Variants in LRBA observed in about 807,000 individuals in gnomAD.
LRBA encodes lipopolysaccharide-responsive and beige-like anchor protein.
In LRBA, 176 loss-of-function variants were observed where a neutral mutation model predicts 330.0. The ratio of observed to expected loss-of-function variants is 0.53; its 90% CI spans 0.47 to 0.60. The LOEUF (loss-of-function observed/expected upper bound fraction) is 0.60. Among genes scored for constraint, LRBA ranks in the 20% least tolerant of loss-of-function variants. LRBA has a pLI of 0.00. For synonymous variants in LRBA, 1,230 were observed against 1,193.0 expected (o/e 1.03, Z -0.64); for missense variants, 3,259 against 3,444.8 (o/e 0.95, Z 1.35).
chr4:150,946,768 G>C (rs1291467299), intron 2 of LRBA, among the ~76,000 whole-genome samples: 1 of 151,984 alleles, frequency 6.6e-6, no homozygotes, highest in Non-Finnish European at 1.5e-5. Flanking sequence ...GAAGTAGAAA[G>C]TAGGAAAACA....
At chr4:150,761,914 A>G (rs1735145865) in intron 34 of LRBA, 67 bp from the exon 35 acceptor site, 4 of 792,060 alleles carry the variant, frequency 5.1e-6, no homozygotes, top group Non-Finnish European at 8.3e-6. Flanking sequence ...TTAAAACAAT[A>G]ATAATGAAAA....
chr4:150,582,903 G>GA (rs1285983998), intron 40 of LRBA: 1 of 1,171,606 alleles, frequency 8.5e-7, no homozygotes, highest in Non-Finnish European at 1.2e-6. Flanking sequence ...AAACGAGAGT[G>GA]AAAGTAGGGC....
At chr4:150,470,059 T>C (rs943077309) in intron 43 of LRBA, among the ~76,000 whole-genome samples, 2 of 152,076 alleles carry the variant, frequency 1.3e-5, no homozygotes, top group Admixed American at 6.5e-5. Context: ...GGCAGGAGCC[T>C]AAAATCCCAG....
intron 40 of LRBA, among the ~76,000 whole-genome samples, chr4:150,503,111 G>A (rs1015325460): frequency 6.6e-6 from 1 of 152,228 alleles, no homozygotes; most frequent in Non-Finnish European, 1.5e-5. Context: ...GCCTCTGGAG[G>A]CTCCACCTCT....
chr4:150,590,507 AG>A (rs1772679294), intron 39 of LRBA, among the ~76,000 whole-genome samples: 1 of 152,206 alleles, frequency 6.6e-6, no homozygotes, highest in African/African-American at 2.4e-5. Context: ...TATTCACAAA[AG>A]AAAAAAATGA....
chr4:151,000,801 T>C (rs1174557153), intron 2 of LRBA, among the ~76,000 whole-genome samples: 2 of 152,162 alleles, frequency 1.3e-5, no homozygotes, highest in South Asian at 2.1e-4. Context: ...CTTGAATAGA[T>C]AATCCAAGAA....
Position 150,848,825 on chromosome 4 carries a change from G to C in LRBA, c.4332C>G (p.Leu1444=), listed in dbSNP as rs1750219197. ...MSSGGILRQC[L]RLVCAVAVRN... ...CGGTTTTTAGCAGCTCACCTAGTCGGAGACACTGCCGCAAAATTCCTCCAG... is the reference window on the plus strand; with the variant it reads ...CGGTTTTTAGCAGCTCACCTAGTCGCAGACACTGCCGCAAAATTCCTCCAG... The change falls in exon 26 of 57, where the codon CTC becomes CTG. Residue 1444 remains leucine, a synonymous_variant. Coordinates refer to ENST00000651943, the MANE Select transcript of LRBA (RefSeq NM_001364905.1). 6.2e-7 allele frequency: 1 copy of C among 1,602,294 alleles called. No individual in the cohort carries two copies. Among genetic ancestry groups the C allele is most frequent in the Non-Finnish European group, 8.5e-7 (1 of 1,175,300 alleles).
At position 150,265,598 on chromosome 4, in the gene LRBA, T is replaced by TAAC; in HGVS notation, c.*121_*123dup. ...AGACTACAAAAATAGCAATTATTAA[T>TAAC]AACTTTAAAAAATATTTTGCTTCTT... On this transcript the variant is annotated 3_prime_UTR_variant, in exon 57 of 57. Coordinates refer to ENST00000651943, the MANE Select transcript of LRBA (RefSeq NM_001364905.1). 1 of 651,470 alleles carries TAAC rather than the reference T, an allele frequency of 1.5e-6. No homozygotes were observed. 40.4% of individuals were successfully genotyped at this position (651,470 alleles called of 1,614,324 possible). A position where few individuals can be genotyped will look rare whatever the true frequency, so the allele number is the denominator to read the frequency against.
intron 2 of LRBA, among the ~76,000 whole-genome samples, chr4:150,934,446 C>A (rs575007082): frequency 3.5e-4 from 53 of 152,306 alleles, no homozygotes; most frequent in African/African-American, 1.2e-3. Flanking sequence ...ATTCAACACA[C>A]TTTTACTGAA....
intron 2 of LRBA, among the ~76,000 whole-genome samples, chr4:151,008,388 AG>A (rs1744373623): frequency 1.3e-5 from 2 of 152,060 alleles, no homozygotes; most frequent in Non-Finnish European, 2.9e-5. Flanking sequence ...GCCTAAAATT[AG>A]TGGTTTTTAT....
At chr4:150,799,276 A>C (rs1741241472) in intron 33 of LRBA, among the ~76,000 whole-genome samples, 2 of 152,240 alleles carry the variant, frequency 1.3e-5, no homozygotes, top group African/African-American at 2.4e-5. Context: ...AATTAGCTAT[A>C]GAATGTCTCT....
At chr4:150,606,160 G>T (rs952496492) in intron 37 of LRBA, among the ~76,000 whole-genome samples, 2 of 152,060 alleles carry the variant, frequency 1.3e-5, no homozygotes, top group African/African-American at 4.8e-5. Flanking sequence ...TTCAAGAAAT[G>T]ATCCCAAGCT....
intron 44 of LRBA, among the ~76,000 whole-genome samples, chr4:150,446,104 T>TA (rs941520363): frequency 2.3e-4 from 34 of 146,930 alleles, no homozygotes; most frequent in East Asian, 3.9e-4. Flanking sequence ...ATTTTGGAGC[T>TA]AAAAAAAAAA....
intron 34 of LRBA, among the ~76,000 whole-genome samples, chr4:150,768,636 C>T (rs1578720564): frequency 6.6e-6 from 1 of 152,200 alleles, no homozygotes; most frequent in East Asian, 1.9e-4. Context: ...ACAAAGGGAA[C>T]TCATGCATCA....
chr4:150,692,305 A>G (rs1343289286), intron 36 of LRBA, among the ~76,000 whole-genome samples: 2 of 151,986 alleles, frequency 1.3e-5, no homozygotes, highest in Non-Finnish European at 2.9e-5. Context: ...TGAAACCTCA[A>G]TCTCTTGGGC....
intron 50 of LRBA, among the ~76,000 whole-genome samples, chr4:150,318,171 A>G (rs1375366807): frequency 2.0e-5 from 3 of 152,154 alleles, no homozygotes; most frequent in Non-Finnish European, 4.4e-5. Context: ...TAGAGCAGGA[A>G]AGTTGGGACC....
At position 150,597,065 on chromosome 4, in the gene LRBA, A is replaced by G. The variant is rs375137422; in HGVS notation, c.6046+1942T>C. On this transcript the variant is annotated intron_variant, in intron 38 of 56. Coordinates refer to ENST00000651943, the MANE Select transcript of LRBA (RefSeq NM_001364905.1). ...ACAATAATCATAAAATTACTATAAAATATTACTCAATGCTTACCTTTGCTG... is the reference window on the plus strand; with the variant it reads ...ACAATAATCATAAAATTACTATAAAGTATTACTCAATGCTTACCTTTGCTG... 1 of 1,273,610 alleles carries G rather than the reference A, an allele frequency of 7.9e-7. No homozygotes were observed. Among genetic ancestry groups the G allele is most frequent in the South Asian group, 1.4e-5 (1 of 72,640 alleles). The allele number at this position is 1,273,610 out of a possible 1,614,324, so 78.9% of individuals were successfully genotyped here.
intron 46 of LRBA, among the ~76,000 whole-genome samples, chr4:150,423,952 G>GACCCCA (rs1196084047): frequency 1.3e-5 from 2 of 152,308 alleles, no homozygotes; most frequent in South Asian, 2.1e-4. Flanking sequence ...AGAAAATTAT[G>GACCCCA]ACTAAAAGTT....
Position 150,419,099 on chromosome 4 carries a change from T to C in LRBA, c.7042-3509A>G, listed in dbSNP as rs946735860. 6.6e-5 allele frequency among the ~76,000 whole-genome samples: 10 copies of C among 152,262 alleles called. No homozygotes were observed. In the Middle Eastern group the frequency reaches 0.014, roughly 207 times the overall value. On this transcript the variant is annotated intron_variant, in intron 46 of 56. Coordinates refer to ENST00000651943, the MANE Select transcript of LRBA (RefSeq NM_001364905.1). ...TGAAATAGAAGAAAGGTAACACTGC[T>C]AGGCTAATGCAGTCCTAAGAGAATT... is the stretch of plus-strand genomic sequence containing the variant.
Sources: allele counts gnomAD v4.1 joint callset (sites outside exome capture counted in the v4.1 genomes callset), GRCh38; gene constraint gnomAD v4.1.1; transcripts MANE v1.5; gene names NCBI Gene and HGNC (gene_info 2026-07-23, HGNC 2026-07-21).